The following RUVBL1 variants were observed in gnomAD, a reference collection of about 807,000 sequenced individuals.
The protein encoded by RUVBL1 is RuvB like AAA ATPase 1.
Under a neutral mutation model 52.4 loss-of-function variants are expected in RUVBL1, and 4 were observed. The ratio of observed to expected loss-of-function variants is 0.08; its 90% CI spans 0.04 to 0.17. The LOEUF (loss-of-function observed/expected upper bound fraction) is 0.17, where lower values mean the gene tolerates loss of function less well. Among genes scored for constraint, RUVBL1 ranks in the 10% least tolerant of loss-of-function variants. The pLI is 1.00. For synonymous variants in RUVBL1, 217 were observed against 214.4 expected, an observed-to-expected ratio of 1.01 and a Z score of -0.10; for missense variants, 298 against 572.8, an observed-to-expected ratio of 0.52 and a Z score of 4.90.
Position 128,081,590 on chromosome 3 carries a change from A to T in RUVBL1, c.1212-181T>A. 1.6e-6 allele frequency: 1 copy of T among 636,044 alleles called. No individual in the cohort carries two copies. The highest frequency in any genetic ancestry group is 2.7e-6 in the Non-Finnish European group (1 of 373,162). 39.4% of individuals were successfully genotyped at this position (636,044 alleles called of 1,614,324 possible). A position where few individuals can be genotyped will look rare whatever the true frequency, so the allele number is the denominator to read the frequency against. On this transcript the variant is annotated intron_variant, in intron 10 of 10. Transcript: ENST00000322623. The surrounding 1 kb of genome is among the most constrained non-coding windows in gnomAD (Gnocchi z 4.8). ...CACTTCTCAGAGAGCTGCAGTCATT[A>T]TCCCATCAGAGAGGGTCCAGGAGCC...
intron 2 of RUVBL1, among the ~76,000 whole-genome samples, chr3:128,114,306 G>T (rs1221736893): frequency 6.6e-6 from 1 of 152,140 alleles, no homozygotes; most frequent in African/African-American, 2.4e-5. Flanking sequence ...AACAGTCAAG[G>T]TTCCTCTCAG....
exon 10 of RUVBL1, chr3:128,065,116 CTG>C: frequency 7.3e-7 from 1 of 1,367,664 alleles, no homozygotes. Flanking sequence ...GTCCCCCACT[CTG>C]TGGGGTGCAC....
At chr3:128,150,741 ATATTATATATTCTC>A (rs1944176976) in intron 1 of RUVBL1, among the ~76,000 whole-genome samples, 2 of 114,042 alleles carry the variant, frequency 1.8e-5, no homozygotes, top group South Asian at 2.4e-4. Flanking sequence ...TATATATTCT[ATATTATATATTCTC>A]TATATATTCT....
Position 128,087,787 on chromosome 3 carries a change from G to A in RUVBL1, c.1038C>T (p.Ser346=), listed in dbSNP as rs1192112002. The A allele has an allele frequency of 5.0e-6, 8 of 1,613,632 alleles. No homozygotes were observed. Among genetic ancestry groups the A allele is most frequent in the Middle Eastern group, 1.6e-4 (1 of 6,084 alleles). The stretch of plus-strand genomic sequence containing the variant: ...GAAGGTCAAGAGGGATGCCGTGAGG[G>A]GATGTGATGTCCTCAGTGCCTCTGT... The part of the protein sequence containing the change: ...CVIRGTEDIT[S]PHGIPLDLLD... Residue 346 remains serine, a synonymous_variant, in exon 9 of 11, where the codon TCC becomes TCT. Coordinates refer to ENST00000322623, the MANE Select transcript of RUVBL1 (RefSeq NM_003707.3).
chr3:128,138,555 C>T (rs1943977746), intron 1 of RUVBL1, among the ~76,000 whole-genome samples: 1 of 151,538 alleles, frequency 6.6e-6, no homozygotes, highest in African/African-American at 2.4e-5. Context: ...ATTGAAGAGG[C>T]CACAAAAAAT....
At chr3:128,121,710 C>CA (rs558813738) in intron 1 of RUVBL1, among the ~76,000 whole-genome samples, 8 of 108,776 alleles carry the variant, frequency 7.4e-5, no homozygotes, top group Admixed American at 2.9e-4. Context: ...AACTTCGTCT[C>CA]AAAAAAAAAA....
upstream of RUVBL1, among the ~76,000 whole-genome samples, chr3:128,128,739 G>C (rs562409305): frequency 4.6e-5 from 7 of 152,304 alleles, no homozygotes; most frequent in Non-Finnish European, 1.0e-4. Context: ...CAATTCCTAT[G>C]TAAAGAGAGG....
At chr3:128,064,931 C>T in exon 10 of RUVBL1, 1 of 1,614,068 alleles carries the variant, frequency 6.2e-7, no homozygotes, top group Non-Finnish European at 8.5e-7. Flanking sequence ...GCCACACGCA[C>T]AGACAAGGTC....
intron 9 of RUVBL1, chr3:128,083,296 A>C (rs1942537885): frequency 6.6e-6 from 1 of 152,264 alleles, no homozygotes; most frequent in Non-Finnish European, 1.5e-5. Context: ...CAGGACTTCG[A>C]GCCGCATATA....
intron 8 of RUVBL1, among the ~76,000 whole-genome samples, chr3:128,092,170 C>T (rs1942857640): frequency 6.6e-6 from 1 of 152,310 alleles, no homozygotes; most frequent in South Asian, 2.1e-4. Context: ...TGAAGTTGGA[C>T]CAACCCCTTA....
rs550991643 is a variant in RUVBL1, at chr3:128,112,686, T to C, written c.361+202A>G. 2.6e-5 allele frequency among the ~76,000 whole-genome samples: 4 copies of C among 152,338 alleles called. No homozygotes were observed. In the East Asian group the frequency reaches 7.7e-4, roughly 29 times the overall value. ...AGCGCAGGCTCACAGCTAGGGTCCATAGTTGCTCCAATTGCTAACGCACTT... is the reference window on the plus strand; with the variant it reads ...AGCGCAGGCTCACAGCTAGGGTCCACAGTTGCTCCAATTGCTAACGCACTT... On this transcript the variant is annotated intron_variant, in intron 3 of 10. Coordinates refer to ENST00000322623, the MANE Select transcript of RUVBL1 (RefSeq NM_003707.3).
downstream of RUVBL1, among the ~76,000 whole-genome samples, chr3:128,079,480 C>T (rs1485016107): frequency 1.3e-5 from 2 of 152,226 alleles, no homozygotes; most frequent in African/African-American, 4.8e-5. Flanking sequence ...CAACATGGAA[C>T]GCAGAGTGTG....
intron 1 of RUVBL1, among the ~76,000 whole-genome samples, chr3:128,128,927 GC>G (rs1943836356): frequency 6.6e-6 from 1 of 152,032 alleles, no homozygotes; most frequent in Non-Finnish European, 1.5e-5. Flanking sequence ...TCTCTCAAAG[GC>G]CTTGCTCCAC....
At chr3:128,133,040 A>G (rs1943903154) in intron 1 of RUVBL1, among the ~76,000 whole-genome samples, 1 of 152,180 alleles carries the variant, frequency 6.6e-6, no homozygotes, top group South Asian at 2.1e-4. Flanking sequence ...CAGGCCCAGC[A>G]GTATTCAACA....
intron 8 of RUVBL1, among the ~76,000 whole-genome samples, chr3:128,095,817 T>G (rs1041535583): frequency 6.6e-6 from 1 of 152,034 alleles, no homozygotes; most frequent in Admixed American, 6.6e-5. Context: ...TATTCACAGG[T>G]GCAATCATTG....
intron 2 of RUVBL1, 137 bp downstream of exon 2, chr3:128,119,191 T>C: frequency 1.7e-6 from 1 of 579,846 alleles, no homozygotes; most frequent in Non-Finnish European, 3.0e-6. Flanking sequence ...CCCAATTGTA[T>C]TATTGCATAT....
chr3:128,087,181 C>CTAGG (rs1201776317), intron 9 of RUVBL1, among the ~76,000 whole-genome samples: 1 of 152,264 alleles, frequency 6.6e-6, no homozygotes, highest in Non-Finnish European at 1.5e-5. Flanking sequence ...ACAGGCTCTG[C>CTAGG]TAGGACACAA....
intron 3 of RUVBL1, among the ~76,000 whole-genome samples, chr3:128,108,759 T>C (rs1262037344): frequency 1.3e-5 from 2 of 151,872 alleles, no homozygotes; most frequent in African/African-American, 4.8e-5. Flanking sequence ...GTTCATCTCA[T>C]CTTTATTATG....
exon 1 of RUVBL1, chr3:128,153,632 G>A: frequency 1.3e-6 from 2 of 1,598,052 alleles, no homozygotes; most frequent in South Asian, 1.1e-5. Context: ...CAGCCGCAGA[G>A]CCGCGAGCGC....
Sources: gnomAD v4.1 joint callset for allele counts (sites outside exome capture counted in the v4.1 genomes callset) on GRCh38, gnomAD v4.1.1 for gene constraint, Gnocchi (gnomAD v3.1) non-coding constraint, MANE v1.5 for transcripts, NCBI Gene and HGNC (gene_info 2026-07-23, HGNC 2026-07-21) for gene names.